Variants in FMO4 observed in about 807,000 individuals in gnomAD.
The protein encoded by FMO4 is dimethylaniline monooxygenase [N-oxide-forming] 4.
In FMO4, 38 loss-of-function variants were observed where a neutral mutation model predicts 43.3. That is an observed-to-expected ratio of 0.88 (90% CI 0.68 to 1.15). The LOEUF (loss-of-function observed/expected upper bound fraction) is 1.15. Ranked by LOEUF, FMO4 falls within the 50% of genes most tolerant of loss-of-function variation. FMO4 has a pLI of 0.00. For synonymous variants in FMO4, 224 were observed against 232.2 expected (o/e 0.96, Z 0.32); for missense variants, 631 against 663.3 (o/e 0.95, Z 0.54).
intron 2 of FMO4, among the ~76,000 whole-genome samples, chr1:171,318,603 C>T (rs1024257133): frequency 7.9e-5 from 12 of 151,118 alleles, no homozygotes; most frequent in African/African-American, 2.7e-4. Flanking sequence ...ATCTGAAATA[C>T]TCTAGTGAGC....
chr1:171,324,381 C>T lies in FMO4; in HGVS notation c.484+81C>T, dbSNP rs1662575104. 5 of 1,103,082 alleles carry T rather than the reference C, an allele frequency of 4.5e-6. No individual in the cohort carries two copies. The East Asian group carries it at 9.7e-5, about 21-fold the overall frequency. The allele number at this position is 1,103,082 out of a possible 1,614,324, so 68.3% of individuals were successfully genotyped here. A position where few individuals can be genotyped will look rare whatever the true frequency, so the allele number is the denominator to read the frequency against. On this transcript the variant is annotated intron_variant, in intron 5 of 9. Coordinates refer to ENST00000367749, the MANE Select transcript of FMO4 (RefSeq NM_002022.3). ...ACTTATTGATTTGCAGTTGGAAATA[C>T]CGCCCCATGATTATAGATGGCTTTA...
At chr1:171,315,468 A>G (rs1017486304) in intron 1 of FMO4, among the ~76,000 whole-genome samples, 3 of 151,770 alleles carry the variant, frequency 2.0e-5, no homozygotes, top group Admixed American at 2.0e-4. Flanking sequence ...TGGTTTTCAG[A>G]CATAAGAACA....
intron 3 of FMO4, 86 bp downstream of exon 3, chr1:171,320,043 C>A: frequency 6.8e-7 from 1 of 1,481,250 alleles, no homozygotes; most frequent in South Asian, 1.2e-5. Context: ...CCTTGGTGAT[C>A]AAGTAAGGGA....
At chr1:171,341,382 A>G (rs1333427838) in intron 9 of FMO4, 31 bp from the exon 10 acceptor site, 2 of 1,569,344 alleles carry the variant, frequency 1.3e-6, no homozygotes, top group East Asian at 4.5e-5. Flanking sequence ...GGTGTGATTA[A>G]TGAAAGGTCC....
chr1:171,325,708 T>C (rs1045676589), intron 5 of FMO4, among the ~76,000 whole-genome samples: 3 of 151,830 alleles, frequency 2.0e-5, no homozygotes, highest in Non-Finnish European at 2.9e-5. Context: ...TAGGAAAATG[T>C]GCTGTAAGTG....
chr1:171,341,618 A>G lies in FMO4; in HGVS notation c.1456A>G (p.Ile486Val). 1 of 1,613,994 alleles carries G rather than the reference A, an allele frequency of 6.2e-7. No individual in the cohort carries two copies. The highest frequency in any genetic ancestry group is 8.5e-7 in the Non-Finnish European group (1 of 1,179,972). Reference sequence around the variant, plus strand: ...AAAATGGGATGGAGCCAGAAATGCCATCCTGACCCAGTGGGACAGAACATT... The same window carrying G: ...AAAATGGGATGGAGCCAGAAATGCCGTCCTGACCCAGTGGGACAGAACATT... ...PGKWDGARNA[I>V]LTQWDRTLKP... The change falls in exon 10 of 10, where the codon ATC becomes GTC. Residue 486 changes from isoleucine to valine, a missense_variant. Transcript: ENST00000367749.
chr1:171,324,806 C>G (rs1662588724), intron 5 of FMO4, among the ~76,000 whole-genome samples: 1 of 152,054 alleles, frequency 6.6e-6, no homozygotes, highest in African/African-American at 2.4e-5. Flanking sequence ...AGTCACCCTT[C>G]AAAACAGTCA....
rs983701724 is a variant in FMO4 at position 171,319,889 on chromosome 1, G to A, written c.64G>A (p.Val22Met). ...VSGLSSIKCC[V>M]DEDLEPTCFE... ...TGGCCTCTCCTCCATCAAATGCTGT[G>A]TGGATGAGGACCTGGAGCCCACCTG... The change falls in exon 3 of 10, where the codon GTG (valine) becomes ATG (methionine). Residue 22 changes from valine to methionine, a missense_variant. Transcript: ENST00000367749. The A allele has an allele frequency of 1.9e-6, 3 of 1,613,732 alleles. No individual in the cohort carries two copies. The highest frequency in any genetic ancestry group is 2.5e-6 in the Non-Finnish European group (3 of 1,179,760).
Position 171,322,001 on chromosome 1 carries a change from G to A in FMO4, c.133-1003G>A, listed in dbSNP as rs6660364. Among the ~76,000 whole-genome samples, 928 of 152,192 alleles carry A rather than the reference G, an allele frequency of 6.1e-3. 13 individuals are homozygous for A. The highest frequency in any genetic ancestry group is 0.02 in the African/African-American group (825 of 41,540). ...TAGCTTCAGCCACAAGAAGTTCATT[G>A]GTGTCTTTAATATAGACCTATTTGT... On this transcript the variant is annotated intron_variant, in intron 3 of 9. Coordinates refer to ENST00000367749, the MANE Select transcript of FMO4 (RefSeq NM_002022.3).
intron 5 of FMO4, among the ~76,000 whole-genome samples, chr1:171,329,403 T>G (rs1309153106): frequency 6.6e-6 from 1 of 152,178 alleles, no homozygotes; most frequent in Admixed American, 6.5e-5. Context: ...CCACACAGAC[T>G]ATCTGTTAGG....
intron 5 of FMO4, among the ~76,000 whole-genome samples, chr1:171,330,886 G>C (rs1471087166): frequency 6.6e-6 from 1 of 152,160 alleles, no homozygotes; most frequent in Non-Finnish European, 1.5e-5. Context: ...AGAGTATTAG[G>C]AGCTTCATGA....
chr1:171,327,196 C>T (rs1488009688), intron 5 of FMO4, among the ~76,000 whole-genome samples: 1 of 152,202 alleles, frequency 6.6e-6, no homozygotes, highest in Non-Finnish European at 1.5e-5. Context: ...GAAACTTCTT[C>T]GTGCTCCCCT....
chr1:171,333,020 T>C, intron 7 of FMO4, 112 bp downstream of exon 7: 2 of 655,514 alleles, frequency 3.1e-6, no homozygotes, highest in South Asian at 4.1e-5. Flanking sequence ...TTTATTCTAC[T>C]CTAAATCCAT....
intron 7 of FMO4, chr1:171,333,138 G>A: frequency 2.7e-6 from 1 of 365,672 alleles, no homozygotes; most frequent in Non-Finnish European, 4.9e-6. Flanking sequence ...AATAAAAGAT[G>A]AAAACTTCCA....
In FMO4 at chr1:171,335,185, A is replaced by T. The variant is rs45445893; in HGVS notation, c.1180+422A>T. On this transcript the variant is annotated intron_variant, in intron 8 of 9. Coordinates refer to ENST00000367749, the MANE Select transcript of FMO4 (RefSeq NM_002022.3). ...GAGACCCATAAAAAATATTTTAGAC[A>T]CTGGAAACTACTTTCTGTCAATTAT... Among the ~76,000 whole-genome samples the T allele has an allele frequency of 9.4e-4, 143 of 152,308 alleles. 1 individual carries two copies. Among genetic ancestry groups the T allele is most frequent in the Middle Eastern group, 6.8e-3 (2 of 294 alleles).
chr1:171,341,533 A>G lies in FMO4; in HGVS notation c.1371A>G (p.Leu457=), dbSNP rs769240826. 5.6e-6 allele frequency: 9 copies of G among 1,613,964 alleles called. No homozygotes were observed. Among genetic ancestry groups the G allele is most frequent in the Admixed American group, 1.7e-5 (1 of 59,964 alleles). ...IPLLFLKDPR[L]AWEVFFGPCT... ...TTCTGTTCCTCAAGGATCCCAGACT[A>G]GCTTGGGAAGTTTTCTTTGGACCAT... Residue 457 remains leucine (L), a synonymous_variant, in exon 10 of 10, where the codon CTA becomes CTG. Coordinates refer to ENST00000367749, the MANE Select transcript of FMO4 (RefSeq NM_002022.3).
intron 3 of FMO4, among the ~76,000 whole-genome samples, chr1:171,320,864 C>T (rs941867252): frequency 6.6e-6 from 1 of 151,978 alleles, no homozygotes; most frequent in African/African-American, 2.4e-5. Context: ...GCTAGGCAGG[C>T]CCAAGTACTA....
At chr1:171,318,334 T>TAATAATAAGAATAAG (rs1553251636) in intron 2 of FMO4, among the ~76,000 whole-genome samples, 1 of 150,758 alleles carries the variant, frequency 6.6e-6, no homozygotes, top group African/African-American at 2.4e-5. Context: ...ATAATAATAA[T>TAATAATAAGAATAAG]AATAATAATA....
At chr1:171,334,964 T>C (rs1168800429) in intron 8 of FMO4, among the ~76,000 whole-genome samples, 1 of 152,224 alleles carries the variant, frequency 6.6e-6, no homozygotes, top group Admixed American at 6.5e-5. Context: ...GCTCTGTGGA[T>C]GAGATAAATT....
Sources: gnomAD v4.1 joint callset for allele counts (sites outside exome capture counted in the v4.1 genomes callset) on GRCh38, gnomAD v4.1.1 for gene constraint, MANE v1.5 for transcripts, NCBI Gene and HGNC (gene_info 2026-07-23, HGNC 2026-07-21) for gene names.